DZANK1: variants seen among roughly 807,000 people sequenced by gnomAD.
DZANK1 encodes the protein double zinc ribbon and ankyrin repeat domains 1.
DZANK1 carries 91 observed loss-of-function variants against 94.5 expected under a neutral mutation model. The ratio of observed to expected loss-of-function variants is 0.96; its 90% CI spans 0.81 to 1.15. The LOEUF (loss-of-function observed/expected upper bound fraction) is 1.15. DZANK1 is among the 50% of genes most tolerant of loss of function. The pLI is 0.00. For missense variants in DZANK1, 903 were observed against 916.4 expected (o/e 0.99, Z 0.19); for synonymous variants, 312 against 325.3 (o/e 0.96, Z 0.44).
chr20:18,465,924 A>C (rs1397091007), intron 1 of DZANK1, among the ~76,000 whole-genome samples: 1 of 152,260 alleles, frequency 6.6e-6, no homozygotes, highest in Non-Finnish European at 1.5e-5. Context: ...AGGACTGCAG[A>C]GTACTACTTC....
At chr20:18,392,164 T>C (rs1287800089) in intron 17 of DZANK1, among the ~76,000 whole-genome samples, 1 of 152,242 alleles carries the variant, frequency 6.6e-6, no homozygotes, top group Non-Finnish European at 1.5e-5. Context: ...ATTCAGGTTA[T>C]ACACAGAGTA....
At chr20:18,394,468 A>C (rs2056214335) in intron 15 of DZANK1, 118 bp from the exon 16 acceptor site, 6 of 994,910 alleles carry the variant, frequency 6.0e-6, no homozygotes, top group Non-Finnish European at 7.6e-6. Flanking sequence ...CTACCCAGAG[A>C]GTGGAGCCTG....
At position 18,389,882 on chromosome 20, in the gene DZANK1, T is replaced by A. The variant is rs2055862631; in HGVS notation, c.1891-54A>T. 3.7e-6 allele frequency: 6 copies of A among 1,605,578 alleles called. No homozygotes were observed. The South Asian group carries it at 4.5e-5, about 12-fold the overall frequency. On this transcript the variant is annotated intron_variant, in intron 18 of 20. Coordinates refer to ENST00000262547, the Ensembl canonical transcript of DZANK1. Reference sequence around the variant, plus strand: ...CCAAAACACCCTGCACTCAACAGCATCCAGTCGCCATCCTATGAAGTATAA... The same window carrying A: ...CCAAAACACCCTGCACTCAACAGCAACCAGTCGCCATCCTATGAAGTATAA...
At chr20:18,392,373 A>C (rs2056055271) in intron 17 of DZANK1, among the ~76,000 whole-genome samples, 1 of 152,204 alleles carries the variant, frequency 6.6e-6, no homozygotes, top group Admixed American at 6.5e-5. Context: ...GAAGAAAAAA[A>C]AGATAAAGAA....
chr20:18,419,720 A>T (rs1265847818), intron 10 of DZANK1, among the ~76,000 whole-genome samples: 1 of 152,148 alleles, frequency 6.6e-6, no homozygotes, highest in Non-Finnish European at 1.5e-5. Flanking sequence ...AAATAAAGAC[A>T]TTTTCAGGTA....
In DZANK1 at chr20:18,408,581, C is replaced by T. The variant is rs2057074956; in HGVS notation, c.1432+4065G>A. Among the ~76,000 whole-genome samples the T allele has an allele frequency of 2.0e-5, 3 of 152,116 alleles. No homozygotes were observed. The South Asian group carries it at 6.2e-4, about 32-fold the overall frequency. On this transcript the variant is annotated intron_variant, in intron 13 of 20. Coordinates refer to ENST00000262547, the Ensembl canonical transcript of DZANK1. ...CAGTAGCAGGCTTTTCAGCAGAAAT[C>T]CTATAGGCCAGGAGAGAGTGGCATG...
At chr20:18,453,557 G>A (rs1290004066) in intron 5 of DZANK1, among the ~76,000 whole-genome samples, 174 bp downstream of exon 5, 1 of 152,122 alleles carries the variant, frequency 6.6e-6, no homozygotes, top group Non-Finnish European at 1.5e-5. Flanking sequence ...CCTCCTTCAT[G>A]ATCTTAAGCT....
chr20:18,387,198 T>C (rs1477814155), intron 19 of DZANK1, among the ~76,000 whole-genome samples: 2 of 152,154 alleles, frequency 1.3e-5, no homozygotes, highest in African/African-American at 4.8e-5. Flanking sequence ...AGACTTAAGA[T>C]CTTCTTTCTT....
At chr20:18,454,300 GC>G (rs1210522398) in intron 4 of DZANK1, 1 of 324,938 alleles carries the variant, frequency 3.1e-6, no homozygotes, top group African/African-American at 2.2e-5. Flanking sequence ...TGTTGGCTTA[GC>G]CCCCGAAGGC....
chr20:18,411,368 T>TA (rs1351599040), intron 13 of DZANK1, among the ~76,000 whole-genome samples: 1 of 152,124 alleles, frequency 6.6e-6, no homozygotes, highest in Non-Finnish European at 1.5e-5. Flanking sequence ...CAAACAACTG[T>TA]ATGCTAATAA....
chr20:18,412,036 C>T (rs2057281223), intron 13 of DZANK1, among the ~76,000 whole-genome samples: 1 of 152,140 alleles, frequency 6.6e-6, no homozygotes, highest in Admixed American at 6.5e-5. Context: ...GATCAATTTC[C>T]AAAACGTCCC....
At chr20:18,442,777 A>T (rs957533024) in intron 8 of DZANK1, among the ~76,000 whole-genome samples, 1 of 152,152 alleles carries the variant, frequency 6.6e-6, no homozygotes, top group African/African-American at 2.4e-5. Flanking sequence ...AAATCCCCAA[A>T]ATATCAAGTG....
At chr20:18,420,082 C>T (rs1467026824) in intron 10 of DZANK1, 1 of 152,810 alleles carries the variant, frequency 6.5e-6, no homozygotes, top group Non-Finnish European at 1.5e-5. Flanking sequence ...TTTTCTGATG[C>T]TTATTGACAA....
intron 13 of DZANK1, among the ~76,000 whole-genome samples, chr20:18,408,358 C>T (rs1342032680): frequency 6.6e-6 from 1 of 152,102 alleles, no homozygotes; most frequent in East Asian, 1.9e-4. Context: ...TGGATAGTAT[C>T]AGAGAACTTC....
At chr20:18,433,594 C>G in intron 9 of DZANK1, 58 bp downstream of exon 9, 1 of 1,508,230 alleles carries the variant, frequency 6.6e-7, no homozygotes, top group Non-Finnish European at 9.2e-7. Context: ...AGGACATATA[C>G]CTGTTCAAAC....
In DZANK1 at chr20:18,414,515, A is replaced by G; in HGVS notation, c.1078-3T>C. ...GAACAGCCAGCAGGAATGCCGAGCT[A>G]GAGGATAGAAAATATCTTGATGAAT... On this transcript the variant is annotated splice_region_variant and splice_polypyrimidine_tract_variant and intron_variant, in intron 11 of 20. Transcript: ENST00000262547. 2 of 1,595,818 alleles carry G rather than the reference A, an allele frequency of 1.3e-6. No individual in the cohort carries two copies. Among genetic ancestry groups the G allele is most frequent in the African/African-American group, 2.7e-5 (2 of 74,620 alleles).
At chr20:18,465,954 C>T (rs1568568540) in intron 1 of DZANK1, among the ~76,000 whole-genome samples, 1 of 152,140 alleles carries the variant, frequency 6.6e-6, no homozygotes. Flanking sequence ...AGGAAGTTTG[C>T]AAGAATATAA....
At chr20:18,398,280 C>T (rs2056467382) in intron 14 of DZANK1, 2 of 489,866 alleles carry the variant, frequency 4.1e-6, no homozygotes. Flanking sequence ...GACATCTGAG[C>T]ATGAGATGTT....
At chr20:18,428,709 A>G (rs6105919) in intron 9 of DZANK1, 151,645 of 152,316 alleles carry the variant, frequency 1, 75,488 homozygotes, top group East Asian at 1. Flanking sequence ...CGGTCCCTAG[A>G]TGTCCTGAAA....
Sources: gnomAD v4.1 joint callset for allele counts (sites outside exome capture counted in the v4.1 genomes callset) on GRCh38, gnomAD v4.1.1 for gene constraint, MANE v1.5 for transcripts, NCBI Gene and HGNC (gene_info 2026-07-23, HGNC 2026-07-21) for gene names.